AUNIP: variants seen among roughly 807,000 people sequenced by gnomAD.
AUNIP encodes aurora kinase A and ninein interacting protein, also known as aurora kinase A- and ninein-interacting protein.
AUNIP carries 16 observed loss-of-function variants against 12.2 expected under a neutral mutation model. The observed-to-expected ratio is 1.31, with a 90% CI of 0.88 to 1.99. The LOEUF is 1.99. Ranked by LOEUF, AUNIP falls within the 30% of genes most tolerant of loss-of-function variation. The probability of loss-of-function intolerance (pLI) is 0.00; values close to 1 mark genes in which losing one functional copy is unlikely to be tolerated. For missense variants in AUNIP, 411 were observed against 419.1 expected, an observed-to-expected ratio of 0.98 and a Z score of 0.17; for synonymous variants, 142 against 154.8, an observed-to-expected ratio of 0.92 and a Z score of 0.61.
chr1:25,843,548 G>A (rs2124503520), intron 1 of AUNIP, among the ~76,000 whole-genome samples: 1 of 135,172 alleles, frequency 7.4e-6, no homozygotes, highest in East Asian at 2.2e-4. Flanking sequence ...CTTAAGCTCA[G>A]GAGTTTGAGA....
At chr1:25,838,287 G>C (rs1480530784) in intron 1 of AUNIP, among the ~76,000 whole-genome samples, 1 of 151,380 alleles carries the variant, frequency 6.6e-6, no homozygotes, top group African/African-American at 2.4e-5. Context: ...GGTGGATCAC[G>C]AGGTCAGGAG....
At chr1:25,841,823 C>T (rs2048349657) in intron 1 of AUNIP, among the ~76,000 whole-genome samples, 1 of 152,146 alleles carries the variant, frequency 6.6e-6, no homozygotes, top group South Asian at 2.1e-4. Context: ...TGCGCCTGGC[C>T]AATCAGTGAT....
Position 25,837,556 on chromosome 1 carries a change from T to G in AUNIP, c.79-2A>C. The G allele has an allele frequency of 6.2e-7, 1 of 1,610,976 alleles. No individual in the cohort carries two copies. Among genetic ancestry groups the G allele is most frequent in the South Asian group, 1.1e-5 (1 of 90,752 alleles). ...GGTGCCTGGTTTGATTAAATGTGTCTGAGAAAGGAGAGAAAAAAGAATAAT... is the reference window on the plus strand; with the variant it reads ...GGTGCCTGGTTTGATTAAATGTGTCGGAGAAAGGAGAGAAAAAAGAATAAT... On this transcript the variant is annotated splice_acceptor_variant, in intron 1 of 2. Coordinates refer to ENST00000374298, the MANE Select transcript of AUNIP (RefSeq NM_024037.3). LOFTEE classifies it high-confidence loss of function.
rs530905665 is a variant in AUNIP, at chr1:25,853,971, G to A, written c.78+5309C>T. On this transcript the variant is annotated intron_variant, in intron 1 of 2. Coordinates refer to ENST00000374298, the MANE Select transcript of AUNIP (RefSeq NM_024037.3). ...TGGCTCACGCCTGTAATCCCTTTGG[G>A]AGGCCAAGGCAGGTAGATCACCTGA... Among the ~76,000 whole-genome samples, 20 of 152,244 alleles carry A rather than the reference G, an allele frequency of 1.3e-4. No homozygotes were observed. The South Asian group carries it at 3.1e-3, about 24-fold the overall frequency.
chr1:25,832,025 G>C, downstream of AUNIP: 1 of 1,614,144 alleles, frequency 6.2e-7, no homozygotes, highest in Non-Finnish European at 8.5e-7. Context: ...AAAGGAAATT[G>C]ACAACCCTCA....
Position 25,859,385 on chromosome 1 carries a change from A to T in AUNIP, c.-28T>A, listed in dbSNP as rs2048489068. 2 of 1,486,070 alleles carry T rather than the reference A, an allele frequency of 1.3e-6. No homozygotes were observed. The highest frequency in any genetic ancestry group is 1.8e-6 in the Non-Finnish European group (2 of 1,127,388). 92.1% of individuals were successfully genotyped at this position (1,486,070 alleles called of 1,614,324 possible). ...CCGCTGAGGAGACGAAGCCGGCAGGACGCCGGCGCAGGCTCCCGGCGCCTC... is the reference window on the plus strand; with the variant it reads ...CCGCTGAGGAGACGAAGCCGGCAGGTCGCCGGCGCAGGCTCCCGGCGCCTC... On this transcript the variant is annotated 5_prime_UTR_variant, in exon 1 of 3. Transcript: ENST00000374298.
chr1:25,853,436 A>G (rs1233368457), intron 1 of AUNIP, among the ~76,000 whole-genome samples: 3 of 152,054 alleles, frequency 2.0e-5, no homozygotes, highest in African/African-American at 7.2e-5. Context: ...ATCTCTACTA[A>G]AAATACCAAA....
Position 25,835,813 on chromosome 1 carries a change from G to A in AUNIP, c.254C>T (p.Ser85Leu). The A allele has an allele frequency of 6.2e-7, 1 of 1,614,188 alleles. No homozygotes were observed. The highest frequency in any genetic ancestry group is 8.5e-7 in the Non-Finnish European group (1 of 1,180,000). ...KTNGSDQKSV[S>L]SHTESQINKE... ...GTTGATCTGACTTTCTGTATGAGAT[G>A]AAACACTCTTCTGGTCACTGCCATT... The change falls in exon 3 of 3, where the codon TCA (serine) becomes TTA (leucine). Residue 85 changes from serine to leucine, a missense_variant. By Grantham distance (145) the Ser-to-Leu change is moderately radical (BLOSUM62 -2). Transcript: ENST00000374298.
chr1:25,859,232 C>T (rs2048486894), intron 1 of AUNIP, 48 bp downstream of exon 1: 1 of 1,546,754 alleles, frequency 6.5e-7, no homozygotes, highest in Non-Finnish European at 8.7e-7. Context: ...TCTTACGCCT[C>T]CAGGCCCTAC....
intron 1 of AUNIP, among the ~76,000 whole-genome samples, chr1:25,855,505 A>C (rs961352720): frequency 6.6e-6 from 1 of 152,148 alleles, no homozygotes; most frequent in Non-Finnish European, 1.5e-5. Flanking sequence ...ATATAAAAAC[A>C]AAATGAAAGC....
intron 1 of AUNIP, among the ~76,000 whole-genome samples, chr1:25,848,819 C>A (rs2048405284): frequency 6.6e-6 from 1 of 152,230 alleles, no homozygotes; most frequent in Admixed American, 6.5e-5. Flanking sequence ...TCTGTGTGTA[C>A]TGTTACATAT....
downstream of AUNIP, chr1:25,832,064 G>C: frequency 6.2e-7 from 1 of 1,613,834 alleles, no homozygotes; most frequent in Non-Finnish European, 8.5e-7. Flanking sequence ...CATGCTCCTG[G>C]AATACCTTCA....
chr1:25,859,289 C>G lies in AUNIP; in HGVS notation c.69G>C (p.Arg23=). ...TCCCCCAGCGTCCCACCTGCACTTT[C>G]CGCCTCTTCAGCGCCGCCGCGTCCA... ...VWLDAAALKR[R]KVQTHLIKPG... The change falls in exon 1 of 3, where the codon CGG becomes CGC. Residue 23 remains arginine (R), a synonymous_variant. Transcript: ENST00000374298. 6.3e-7 allele frequency: 1 copy of G among 1,577,886 alleles called. No individual in the cohort carries two copies. Among genetic ancestry groups the G allele is most frequent in the Non-Finnish European group, 8.6e-7 (1 of 1,163,718 alleles).
chr1:25,843,009 C>T (rs976141062), intron 1 of AUNIP, among the ~76,000 whole-genome samples: 7 of 151,326 alleles, frequency 4.6e-5, no homozygotes, highest in Non-Finnish European at 7.4e-5. Context: ...GGTGAGACTC[C>T]GTCTCTACAA....
At chr1:25,833,948 G>C (rs2124491484), downstream of AUNIP, 1 of 847,622 alleles carries the variant, frequency 1.2e-6, no homozygotes, top group East Asian at 1.2e-4. Flanking sequence ...TACTATTACA[G>C]TGTTGCCTTT....
chr1:25,838,084 C>CAAAA (rs59434471), intron 1 of AUNIP, among the ~76,000 whole-genome samples: 6 of 105,254 alleles, frequency 5.7e-5, no homozygotes, highest in African/African-American at 1.9e-4. Flanking sequence ...ACTAAAAATA[C>CAAAA]AAAAAAAAAA....
In AUNIP at chr1:25,834,244, A is replaced by T; in HGVS notation, c.*749T>A. 3 of 985,294 alleles carry T rather than the reference A, an allele frequency of 3.0e-6. No homozygotes were observed. Among genetic ancestry groups the T allele is most frequent in the Non-Finnish European group, 3.6e-6 (3 of 829,890 alleles). 61.0% of individuals were successfully genotyped at this position (985,294 alleles called of 1,614,324 possible). A position where few individuals can be genotyped will look rare whatever the true frequency, so the allele number is the denominator to read the frequency against. ...CACCTGGGTTGTGGGGAGATTTGCT[A>T]ATCACTGAAAAAAAAGGGTCAAGAG... On this transcript the variant is annotated 3_prime_UTR_variant, in exon 3 of 3. Transcript: ENST00000374298.
At position 25,859,363 on chromosome 1, in the gene AUNIP, C is replaced by A. The variant is rs945803628; in HGVS notation, c.-6G>T. The A allele has an allele frequency of 1.1e-5, 17 of 1,521,592 alleles. No homozygotes were observed. The Admixed American group carries it at 3.4e-4, about 30-fold the overall frequency. 94.3% of individuals were successfully genotyped at this position (1,521,592 alleles called of 1,614,324 possible). A position where few individuals can be genotyped will look rare whatever the true frequency, so the allele number is the denominator to read the frequency against. ...TCGGGGCCTGTCCGCCTCATGGCCG[C>A]TGAGGAGACGAAGCCGGCAGGACGC... On this transcript the variant is annotated 5_prime_UTR_variant, in exon 1 of 3. Coordinates refer to ENST00000374298, the MANE Select transcript of AUNIP (RefSeq NM_024037.3).
intron 1 of AUNIP, among the ~76,000 whole-genome samples, chr1:25,837,871 G>T (rs1005193657): frequency 3.3e-5 from 5 of 152,194 alleles, no homozygotes; most frequent in African/African-American, 1.2e-4. Flanking sequence ...GATAATTAAT[G>T]ATTCTACAGC....
Sources: allele counts gnomAD v4.1 joint callset (sites outside exome capture counted in the v4.1 genomes callset), GRCh38; gene constraint gnomAD v4.1.1; transcripts MANE v1.5; gene names NCBI Gene and HGNC (gene_info 2026-07-23, HGNC 2026-07-21).